CNTNAP5: variants seen among roughly 807,000 people sequenced by gnomAD.
CNTNAP5 encodes the protein contactin-associated protein-like 5.
CNTNAP5 carries 72 observed loss-of-function variants against 150.2 expected under a neutral mutation model. The ratio of observed to expected loss-of-function variants is 0.48; its 90% CI spans 0.40 to 0.58. The LOEUF (loss-of-function observed/expected upper bound fraction) is 0.58, where lower values mean the gene tolerates loss of function less well. CNTNAP5 is among the 20% of genes least tolerant of loss of function. The probability of loss-of-function intolerance (pLI) is 0.00; values close to 1 mark genes in which losing one functional copy is unlikely to be tolerated. For missense variants in CNTNAP5, 1,636 were observed against 1,626.2 expected (o/e 1.01, Z -0.10); for synonymous variants, 672 against 619.8 (o/e 1.08, Z -1.25).
At chr2:124,382,855 TTG>T (rs1690830669) in intron 3 of CNTNAP5, among the ~76,000 whole-genome samples, 1 of 152,198 alleles carries the variant, frequency 6.6e-6, no homozygotes, top group Non-Finnish European at 1.5e-5. Flanking sequence ...GAAATTGAGC[TTG>T]TGTTTCTCTA....
chr2:124,137,962 C>A (rs142014510), intron 1 of CNTNAP5, among the ~76,000 whole-genome samples: 5 of 152,080 alleles, frequency 3.3e-5, no homozygotes, highest in Admixed American at 3.3e-4. Flanking sequence ...TATTCAGGAG[C>A]AACTCAATTT....
At chr2:124,713,250 TTTC>T (rs1679853329) in intron 13 of CNTNAP5, among the ~76,000 whole-genome samples, 1 of 97,942 alleles carries the variant, frequency 1.0e-5, no homozygotes, top group African/African-American at 3.6e-5. Flanking sequence ...TTTCTCTTTC[TTTC>T]TTTCTTTCTT....
intron 3 of CNTNAP5, among the ~76,000 whole-genome samples, chr2:124,363,529 T>G (rs548299626): frequency 1.3e-5 from 2 of 152,328 alleles, no homozygotes; most frequent in Admixed American, 6.5e-5. Flanking sequence ...TTTTTTCTCT[T>G]TTTCTCATAT....
chr2:124,823,965 C>A (rs1018607975), intron 19 of CNTNAP5, among the ~76,000 whole-genome samples: 1 of 149,370 alleles, frequency 6.7e-6, no homozygotes, highest in African/African-American at 2.5e-5. Flanking sequence ...GTTTCCCAGG[C>A]TGAAGTGCAA....
chr2:124,901,691 A>C (rs1678416800), intron 21 of CNTNAP5, among the ~76,000 whole-genome samples: 1 of 152,176 alleles, frequency 6.6e-6, no homozygotes, highest in African/African-American at 2.4e-5. Context: ...AAGTCATTTA[A>C]GTTTGTGGCA....
intron 1 of CNTNAP5, among the ~76,000 whole-genome samples, chr2:124,113,506 ATGTGTGTG>A (rs138877401): frequency 2.7e-4 from 39 of 142,888 alleles, no homozygotes; most frequent in African/African-American, 8.5e-4. Context: ...ATACATATAT[ATGTGTGTG>A]TGTGTGTGTG....
At chr2:124,455,499 A>T (rs1451189400) in intron 6 of CNTNAP5, among the ~76,000 whole-genome samples, 1 of 152,162 alleles carries the variant, frequency 6.6e-6, no homozygotes, top group Non-Finnish European at 1.5e-5. Context: ...AATCCTATTG[A>T]CACTAATCCA....
chr2:124,644,442 TACA>T (rs1327269314), intron 12 of CNTNAP5, among the ~76,000 whole-genome samples: 4 of 152,212 alleles, frequency 2.6e-5, no homozygotes. Context: ...GACTCTCTAA[TACA>T]ACTTTATTTT....
intron 8 of CNTNAP5, among the ~76,000 whole-genome samples, chr2:124,518,870 T>A (rs1192738273): frequency 6.6e-6 from 1 of 151,496 alleles, no homozygotes; most frequent in Non-Finnish European, 1.5e-5. Context: ...GTGCCTGTGA[T>A]CCCAGCTACT....
At chr2:124,880,744 T>A (rs573652356) in intron 21 of CNTNAP5, among the ~76,000 whole-genome samples, 1 of 152,290 alleles carries the variant, frequency 6.6e-6, no homozygotes, top group East Asian at 1.9e-4. Context: ...ATAAAACAAG[T>A]ATCTGTGAGG....
At chr2:124,517,280 A>C (rs1324550549) in intron 8 of CNTNAP5, among the ~76,000 whole-genome samples, 1 of 146,676 alleles carries the variant, frequency 6.8e-6, no homozygotes, top group Non-Finnish European at 1.5e-5. Flanking sequence ...GGTGGTGATG[A>C]GGGTTGTGGT....
intron 13 of CNTNAP5, among the ~76,000 whole-genome samples, chr2:124,718,651 T>C (rs1240539068): frequency 6.6e-6 from 1 of 152,130 alleles, no homozygotes; most frequent in Non-Finnish European, 1.5e-5. Context: ...CCTGTCTCTT[T>C]AGTGACCAGA....
At chr2:124,606,721 G>A (rs923129713) in intron 11 of CNTNAP5, among the ~76,000 whole-genome samples, 6 of 152,082 alleles carry the variant, frequency 3.9e-5, no homozygotes, top group Non-Finnish European at 8.8e-5. Context: ...GGCAGGCAAA[G>A]AAAAAAGAGC....
intron 19 of CNTNAP5, among the ~76,000 whole-genome samples, chr2:124,846,352 C>T (rs768167108): frequency 1.3e-4 from 19 of 151,994 alleles, no homozygotes; most frequent in South Asian, 2.1e-4. Flanking sequence ...ATCTTTCTCC[C>T]GCTTGTTTGA....
chr2:124,589,083 T>A (rs1286832372), intron 11 of CNTNAP5, among the ~76,000 whole-genome samples: 1 of 152,172 alleles, frequency 6.6e-6, no homozygotes, highest in African/African-American at 2.4e-5. Context: ...TACAGGTTAG[T>A]GGTTTGTAGC....
At chr2:124,164,031 G>A (rs1373103589) in intron 1 of CNTNAP5, among the ~76,000 whole-genome samples, 1 of 152,080 alleles carries the variant, frequency 6.6e-6, no homozygotes, top group Non-Finnish European at 1.5e-5. Flanking sequence ...TGTTCTTAGT[G>A]GATTTCAAAA....
chr2:124,705,298 C>A (rs965698319), intron 13 of CNTNAP5, among the ~76,000 whole-genome samples: 7 of 152,022 alleles, frequency 4.6e-5, no homozygotes, highest in Non-Finnish European at 1.0e-4. Flanking sequence ...GAGGCCGAGG[C>A]AGGGGGATCA....
At position 124,732,561 on chromosome 2, in the gene CNTNAP5, G is replaced by A. The variant is rs181971000; in HGVS notation, c.2078-14668G>A. On this transcript the variant is annotated intron_variant, in intron 13 of 23. Coordinates refer to ENST00000682447, the MANE Select transcript of CNTNAP5 (RefSeq NM_001367498.1). The stretch of plus-strand genomic sequence containing the variant: ...TCCCTGATCCAGAAAGTGAGCTCCC[G>A]GTAGACATGGGAATTGCCTTCATTT... Among the ~76,000 whole-genome samples, 12 of 152,168 alleles carry A rather than the reference G, an allele frequency of 7.9e-5. No individual in the cohort carries two copies. In the East Asian group the frequency reaches 9.7e-4, roughly 12 times the overall value.
chr2:124,912,781 C>G (rs1031042212), intron 23 of CNTNAP5, among the ~76,000 whole-genome samples: 1 of 151,956 alleles, frequency 6.6e-6, no homozygotes, highest in Admixed American at 6.6e-5. Flanking sequence ...GTCATCTGAC[C>G]CCCTAGGAAA....
Sources: gnomAD v4.1 joint callset for allele counts (sites outside exome capture counted in the v4.1 genomes callset) on GRCh38, gnomAD v4.1.1 for gene constraint, MANE v1.5 for transcripts, NCBI Gene and HGNC (gene_info 2026-07-23, HGNC 2026-07-21) for gene names.